Variants in ANAPC10 observed in about 807,000 individuals in gnomAD.
ANAPC10 encodes anaphase-promoting complex subunit 10.
ANAPC10 carries 12 observed loss-of-function variants against 22.0 expected under a neutral mutation model. The ratio of observed to expected loss-of-function variants is 0.55; its 90% CI spans 0.35 to 0.88. The LOEUF (loss-of-function observed/expected upper bound fraction) is 0.88, where lower values mean the gene tolerates loss of function less well. Among genes scored for constraint, ANAPC10 ranks in the 40% least tolerant of loss-of-function variants. ANAPC10 has a pLI of 0.01. For missense variants in ANAPC10, 188 were observed against 220.9 expected, an observed-to-expected ratio of 0.85 and a Z score of 0.94; for synonymous variants, 65 against 69.5, an observed-to-expected ratio of 0.94 and a Z score of 0.32.
At chr4:145,034,517 T>C (rs1252198251) in intron 4 of ANAPC10, among the ~76,000 whole-genome samples, 1 of 98,192 alleles carries the variant, frequency 1.0e-5, no homozygotes, top group Non-Finnish European at 1.8e-5. Flanking sequence ...CTTAACAAAC[T>C]CTCCTTTATA....
intron 4 of ANAPC10, among the ~76,000 whole-genome samples, chr4:145,001,030 G>T (rs1206777449): frequency 4.6e-5 from 7 of 151,976 alleles, no homozygotes; most frequent in Admixed American, 1.3e-4. Flanking sequence ...CCCGGGGCCT[G>T]TCGTAGGGTG....
intron 4 of ANAPC10, among the ~76,000 whole-genome samples, chr4:145,053,258 A>C (rs1033444017): frequency 2.0e-5 from 3 of 152,226 alleles, no homozygotes; most frequent in African/African-American, 7.2e-5. Context: ...TTGGAACAAG[A>C]TTAAATCTAA....
chr4:145,024,881 C>A (rs1578946637), intron 4 of ANAPC10, among the ~76,000 whole-genome samples: 1 of 152,192 alleles, frequency 6.6e-6, no homozygotes, highest in East Asian at 1.9e-4. Flanking sequence ...GCATCTTCTT[C>A]CAGCAGAAGG....
In ANAPC10 at chr4:145,071,296, C is replaced by G. The variant is rs367578686; in HGVS notation, c.207-6604G>C. On this transcript the variant is annotated intron_variant, in intron 3 of 4. Transcript: ENST00000507656. ...TGATGCATGCCTGTAATCCCAGCTA[C>G]TTGGGAGGCTGAGGCAGGAGAATTG... Among the ~76,000 whole-genome samples, 4 of 152,236 alleles carry G rather than the reference C, an allele frequency of 2.6e-5. No individual in the cohort carries two copies. The East Asian group carries it at 7.7e-4, about 29-fold the overall frequency.
intron 2 of ANAPC10, among the ~76,000 whole-genome samples, chr4:145,088,395 G>C (rs1370202353): frequency 1.3e-5 from 2 of 152,010 alleles, no homozygotes; most frequent in Non-Finnish European, 2.9e-5. Flanking sequence ...ATTTCAACTA[G>C]AAAAATAGGC....
intron 4 of ANAPC10, among the ~76,000 whole-genome samples, chr4:145,007,641 C>A (rs1466112489): frequency 1.3e-5 from 2 of 152,022 alleles, no homozygotes; most frequent in Non-Finnish European, 2.9e-5. Context: ...AGAACAAAGA[C>A]ACAACAAACC....
chr4:145,089,617 G>C (rs1298518000), intron 2 of ANAPC10, among the ~76,000 whole-genome samples: 1 of 152,064 alleles, frequency 6.6e-6, no homozygotes, highest in Non-Finnish European at 1.5e-5. Context: ...CAACTAAGCT[G>C]AATCTACTAA....
chr4:145,047,709 T>C (rs1014941637), intron 4 of ANAPC10, among the ~76,000 whole-genome samples: 36 of 152,288 alleles, frequency 2.4e-4, no homozygotes, highest in African/African-American at 7.7e-4. Context: ...CACTTCTCAA[T>C]GCCTTTCATT....
chr4:145,075,470 C>G (rs766954520), intron 3 of ANAPC10, among the ~76,000 whole-genome samples: 8 of 151,704 alleles, frequency 5.3e-5, no homozygotes, highest in Non-Finnish European at 1.0e-4. Context: ...CCAGGAAGAG[C>G]TTCATTCACC....
At chr4:145,074,999 T>A (rs1015497879) in intron 3 of ANAPC10, among the ~76,000 whole-genome samples, 3 of 152,140 alleles carry the variant, frequency 2.0e-5, no homozygotes, top group Non-Finnish European at 4.4e-5. Flanking sequence ...ATTTTTTTTT[T>A]TTATTATTGT....
intron 3 of ANAPC10, among the ~76,000 whole-genome samples, 164 bp from the exon 4 acceptor site, chr4:145,064,856 G>A (rs942836814): frequency 6.6e-6 from 1 of 151,664 alleles, no homozygotes; most frequent in African/African-American, 2.4e-5. Context: ...AAAAATATAG[G>A]TCCAGATAGT....
At chr4:145,064,291 TAAC>T (rs1425251447) in intron 4 of ANAPC10, 1 of 210,792 alleles carries the variant, frequency 4.7e-6, no homozygotes, top group Admixed American at 5.8e-5. Context: ...AGCAAAATAT[TAAC>T]AACTGAAGAA....
At chr4:145,006,722 T>C (rs1161217212) in intron 4 of ANAPC10, among the ~76,000 whole-genome samples, 1 of 152,172 alleles carries the variant, frequency 6.6e-6, no homozygotes, top group Middle Eastern at 3.2e-3. Context: ...GCTAAATCCA[T>C]GGGATCCTTT....
chr4:145,042,281 T>C (rs1466127850), intron 4 of ANAPC10, among the ~76,000 whole-genome samples: 2 of 152,182 alleles, frequency 1.3e-5, no homozygotes, highest in African/African-American at 4.8e-5. Context: ...TTCCTGAACG[T>C]TCCTTGATTA....
chr4:145,039,951 A>C (rs1484993757), intron 4 of ANAPC10, among the ~76,000 whole-genome samples: 2 of 152,082 alleles, frequency 1.3e-5, no homozygotes, highest in Non-Finnish European at 2.9e-5. Context: ...TAACATTCCA[A>C]GGTTCATGGT....
chr4:145,097,425 G>C lies in ANAPC10; in HGVS notation c.-13+695C>G, dbSNP rs542118270. ...CGTGAACAATATGTAAAACTGCTTT[G>C]GTAGCGCAGTTACTGCTACTGAACA... On this transcript the variant is annotated intron_variant, in intron 1 of 4. Transcript: ENST00000507656. The C allele has an allele frequency of 3.4e-6, 4 of 1,172,224 alleles. No individual in the cohort carries two copies. The African/African-American group carries it at 6.3e-5, about 18-fold the overall frequency. The allele number at this position is 1,172,224 out of a possible 1,614,324, so 72.6% of individuals were successfully genotyped here.
chr4:145,017,616 C>T (rs1354835681), intron 4 of ANAPC10, among the ~76,000 whole-genome samples: 1 of 152,166 alleles, frequency 6.6e-6, no homozygotes, highest in Admixed American at 6.5e-5. Flanking sequence ...CATCCCATTA[C>T]TGGGTATATA....
intron 3 of ANAPC10, among the ~76,000 whole-genome samples, chr4:145,071,180 G>GCCC (rs1744436146): frequency 6.6e-6 from 1 of 152,180 alleles, no homozygotes; most frequent in Non-Finnish European, 1.5e-5. Flanking sequence ...GCTGAGGAGG[G>GCCC]CAGAGCACCT....
chr4:145,071,505 A>G (rs1329881985), intron 3 of ANAPC10, among the ~76,000 whole-genome samples: 1 of 152,186 alleles, frequency 6.6e-6, no homozygotes, highest in Non-Finnish European at 1.5e-5. Context: ...CACCATCTCA[A>G]CAGAATATTA....
Sources: gnomAD v4.1 joint callset for allele counts (sites outside exome capture counted in the v4.1 genomes callset) on GRCh38, gnomAD v4.1.1 for gene constraint, MANE v1.5 for transcripts, NCBI Gene and HGNC (gene_info 2026-07-23, HGNC 2026-07-21) for gene names.